Variants in ARMC2 observed in about 807,000 individuals in gnomAD.
ARMC2 encodes the protein armadillo repeat-containing protein 2.
Under a neutral mutation model 90.3 loss-of-function variants are expected in ARMC2, and 67 were observed. The observed-to-expected ratio is 0.74, with a 90% CI of 0.61 to 0.91. The LOEUF (loss-of-function observed/expected upper bound fraction) is 0.91, where lower values mean the gene tolerates loss of function less well. Among genes scored for constraint, ARMC2 ranks in the 40% least tolerant of loss-of-function variants. The pLI, the probability that ARMC2 is intolerant of heterozygous loss-of-function variation, is 0.00. For missense variants in ARMC2, 920 were observed against 1,030.9 expected (o/e 0.89, Z 1.47); for synonymous variants, 393 against 393.0 (o/e 1.00, Z 0.00).
chr6:108,857,606 TATC>T (rs1258908413), intron 2 of ARMC2, among the ~76,000 whole-genome samples: 2 of 152,240 alleles, frequency 1.3e-5, no homozygotes, highest in Non-Finnish European at 2.9e-5. Flanking sequence ...GGAAAACTCT[TATC>T]ATAAAATATG....
Position 108,868,909 on chromosome 6 carries a change from G to C in ARMC2, c.377G>C (p.Arg126Thr). Residue 126 changes from arginine to threonine, a missense_variant, in exon 4 of 18, where the codon AGA becomes ACA. Arg to Thr is a moderately conservative substitution (Grantham distance 71). Coordinates refer to ENST00000392644, the MANE Select transcript of ARMC2 (RefSeq NM_032131.6). ...CCCCCAGTGGACCCTGCGAAGATTA[G>C]AAGAGTAAGCAACGCCAGGGCTCGC... is the stretch of plus-strand genomic sequence containing the variant. ...PKPPVDPAKI[R>T]RVSNARARLF... 1 of 1,614,006 alleles carries C rather than the reference G, an allele frequency of 6.2e-7. No individual in the cohort carries two copies. Among genetic ancestry groups the C allele is most frequent in the Non-Finnish European group, 8.5e-7 (1 of 1,179,890 alleles).
intron 10 of ARMC2, among the ~76,000 whole-genome samples, chr6:108,921,995 A>C (rs574621817): frequency 6.6e-6 from 1 of 152,236 alleles, no homozygotes; most frequent in African/African-American, 2.4e-5. Flanking sequence ...CTGAGCTTCA[A>C]TGAGTCACAA....
the ARMC2 span, among the ~76,000 whole-genome samples, chr6:108,989,383 TTC>T: frequency 2.0e-5 from 3 of 151,524 alleles, no homozygotes; most frequent in Non-Finnish European, 4.4e-5. Flanking sequence ...TACTAGTACT[TTC>T]TCTCTCTCTA....
At chr6:108,991,595 T>C in the ARMC2 span, among the ~76,000 whole-genome samples, 6 of 152,204 alleles carry the variant, frequency 3.9e-5, no homozygotes, top group Admixed American at 3.9e-4. Context: ...TTCTCCTACC[T>C]GCACTTCTGC....
chr6:109,031,370 C>G, the ARMC2 span, among the ~76,000 whole-genome samples: 1 of 152,176 alleles, frequency 6.6e-6, no homozygotes, highest in Admixed American at 6.6e-5. Context: ...ATGTGCACTT[C>G]AGTGGAAGAG....
the ARMC2 span, among the ~76,000 whole-genome samples, chr6:109,040,502 T>G: frequency 5.9e-5 from 9 of 152,170 alleles, no homozygotes; most frequent in African/African-American, 1.9e-4. Flanking sequence ...GTGTACATAC[T>G]TGTCCAAGGA....
At chr6:108,926,745 C>G (rs1775136998) in intron 10 of ARMC2, among the ~76,000 whole-genome samples, 1 of 152,000 alleles carries the variant, frequency 6.6e-6, no homozygotes, top group African/African-American at 2.4e-5. Flanking sequence ...AAGTCCATTC[C>G]TTAGCTTAGA....
At chr6:108,990,521 A>G in the ARMC2 span, 3 of 854,588 alleles carry the variant, frequency 3.5e-6, no homozygotes, top group African/African-American at 3.4e-5. Context: ...TAGCATAAAA[A>G]TAAGTTATTG....
the ARMC2 span, among the ~76,000 whole-genome samples, chr6:109,046,765 C>G: frequency 1.4e-5 from 2 of 139,932 alleles, 1 homozygote; most frequent in Non-Finnish European, 3.2e-5. Context: ...AGTGCCTCTG[C>G]CCGGCCGAGA....
intron 8 of ARMC2, among the ~76,000 whole-genome samples, chr6:108,904,694 AG>A (rs1772497992): frequency 6.6e-6 from 1 of 152,158 alleles, no homozygotes; most frequent in African/African-American, 2.4e-5. Flanking sequence ...AAGGCAAGAA[AG>A]AAAAAGAAAT....
intron 10 of ARMC2, among the ~76,000 whole-genome samples, chr6:108,923,618 C>CT (rs35715301): frequency 0.23 from 30,990 of 137,054 alleles, 3,825 homozygotes; most frequent in African/African-American, 0.33. Context: ...TCCCCACACC[C>CT]TTTTTTTTTT....
the ARMC2 span, among the ~76,000 whole-genome samples, chr6:109,021,461 C>CT: frequency 2.3e-3 from 330 of 146,658 alleles, no homozygotes; most frequent in Middle Eastern, 0.011. Flanking sequence ...CCTCATCCTT[C>CT]TTTTTTTTTT....
chr6:109,009,136 T>TCTCCCACCCA, the ARMC2 span: 1 of 686,234 alleles, frequency 1.5e-6, no homozygotes, highest in African/African-American at 1.9e-5. Flanking sequence ...CGACTCACGG[T>TCTCCCACCCA]GCGCAGGTCT....
intron 5 of ARMC2, among the ~76,000 whole-genome samples, chr6:108,881,991 G>A (rs1242423372): frequency 6.6e-6 from 1 of 152,030 alleles, no homozygotes; most frequent in Non-Finnish European, 1.5e-5. Flanking sequence ...ACCAACGTGG[G>A]ACTTGAGCTT....
At chr6:108,952,994 C>T in intron 12 of ARMC2, 39 bp from the exon 13 acceptor site, 1 of 1,532,590 alleles carries the variant, frequency 6.5e-7, no homozygotes, top group Non-Finnish European at 8.9e-7. Context: ...GTGTTCCAGC[C>T]CCCTTTGCAC....
chr6:109,029,317 C>G, the ARMC2 span, among the ~76,000 whole-genome samples: 2 of 152,078 alleles, frequency 1.3e-5, no homozygotes, highest in Non-Finnish European at 2.9e-5. Flanking sequence ...GTAATTGAAC[C>G]AAAAAGTTGG....
rs554159114 is a variant in ARMC2 at position 108,901,714 on chromosome 6, C to G, written c.847+1922C>G. Among the ~76,000 whole-genome samples the G allele has an allele frequency of 2.6e-5, 4 of 152,244 alleles. No individual in the cohort carries two copies. In the East Asian group the frequency reaches 5.8e-4, roughly 22 times the overall value. On this transcript the variant is annotated intron_variant, in intron 7 of 17. Coordinates refer to ENST00000392644, the MANE Select transcript of ARMC2 (RefSeq NM_032131.6). ...TTACAGGTGTGAGCCACTGAGCCGG[C>G]TGGCATGTATTTCTTAGAAACAAAA...
At chr6:108,954,271 C>A (rs756979524) in intron 13 of ARMC2, among the ~76,000 whole-genome samples, 1 of 152,142 alleles carries the variant, frequency 6.6e-6, no homozygotes, top group Non-Finnish European at 1.5e-5. Context: ...TGTCATCTCC[C>A]ACAAGCACTT....
intron 10 of ARMC2, among the ~76,000 whole-genome samples, chr6:108,923,807 G>A (rs1774844198): frequency 6.6e-6 from 1 of 151,882 alleles, no homozygotes; most frequent in Admixed American, 6.6e-5. Context: ...AGGGTTTTAG[G>A]CCCTGGTTCA....
Sources: allele counts gnomAD v4.1 joint callset (sites outside exome capture counted in the v4.1 genomes callset), GRCh38; gene constraint gnomAD v4.1.1; transcripts MANE v1.5; gene names NCBI Gene and HGNC (gene_info 2026-07-23, HGNC 2026-07-21).